Variants in NOTCH2NLR observed in about 807,000 individuals in gnomAD.
The protein encoded by NOTCH2NLR is notch 2 N-terminal like R (pseudogene).
In NOTCH2NLR, 33 loss-of-function variants were observed where a neutral mutation model predicts 35.6. That is an observed-to-expected ratio of 0.93 (90% CI 0.70 to 1.24). The LOEUF is 1.24. NOTCH2NLR is among the 50% of genes most tolerant of loss of function. NOTCH2NLR has a pLI of 0.00. For synonymous variants in NOTCH2NLR, 103 were observed against 141.0 expected (o/e 0.73, Z 1.91); for missense variants, 276 against 362.2 (o/e 0.76, Z 1.93).
chr1:120,790,573 T>TTTCTTTCTTTCC (rs1651478792), intron 3 of NOTCH2NLR, among the ~76,000 whole-genome samples: 1 of 106,620 alleles, frequency 9.4e-6, no homozygotes, highest in Non-Finnish European at 1.7e-5. Context: ...TCTTTCTTTC[T>TTTCTTTCTTTCC]TTCTTTCTTT....
At chr1:120,767,716 T>C (rs1651209411) in intron 2 of NOTCH2NLR, among the ~76,000 whole-genome samples, 1 of 115,346 alleles carries the variant, frequency 8.7e-6, no homozygotes, top group Non-Finnish European at 1.7e-5. Context: ...TTTGATGTCA[T>C]TAATCACTTT....
At chr1:120,768,205 T>G (rs2101420013) in intron 2 of NOTCH2NLR, among the ~76,000 whole-genome samples, 1 of 114,640 alleles carries the variant, frequency 8.7e-6, no homozygotes, top group Non-Finnish European at 1.7e-5. Context: ...GATAGGGCTC[T>G]TATTCCCAAG....
At position 120,727,331 on chromosome 1, in the gene NOTCH2NLR, C is replaced by T. The variant is rs1254569924; in HGVS notation, c.73+3081C>T. 1.8e-4 allele frequency among the ~76,000 whole-genome samples: 20 copies of T among 109,056 alleles called. 2 individuals carry two copies. In the South Asian group the frequency reaches 5.5e-3, roughly 30 times the overall value. The allele number at this position is 109,056 out of a possible 152,430, so 71.5% of individuals were successfully genotyped here. On this transcript the variant is annotated intron_variant, in intron 1 of 4. Coordinates refer to ENST00000624419, the Ensembl canonical transcript of NOTCH2NLR. ...CTTCAGGTGTGTGTATGAGGTCTTT[C>T]TAAATTTAAGAAATTTCCATAACAA... is the stretch of plus-strand genomic sequence containing the variant.
chr1:120,756,326 G>T (rs1160693151), intron 1 of NOTCH2NLR, among the ~76,000 whole-genome samples: 1 of 116,516 alleles, frequency 8.6e-6, no homozygotes, highest in Non-Finnish European at 1.6e-5. Flanking sequence ...CGTAAACTCA[G>T]ACTTCATCTC....
chr1:120,745,799 G>T (rs1650976592), intron 1 of NOTCH2NLR, among the ~76,000 whole-genome samples: 1 of 42,292 alleles, frequency 2.4e-5, no homozygotes, highest in African/African-American at 2.2e-4. Flanking sequence ...CTGGGCAATA[G>T]AGAGAGACTG....
chr1:120,723,971 C>G, exon 1 of NOTCH2NLR: 1 of 1,067,668 alleles, frequency 9.4e-7, no homozygotes, highest in Non-Finnish European at 1.2e-6. Flanking sequence ...GCGGCTGAGG[C>G]GGCGGCCGAG....
chr1:120,737,712 C>T (rs1339545408), intron 1 of NOTCH2NLR, among the ~76,000 whole-genome samples: 2 of 124,794 alleles, frequency 1.6e-5, no homozygotes, highest in Admixed American at 7.7e-5. Context: ...TGAGACAACT[C>T]GGCAGGTCTG....
rs1287803226 is a variant in NOTCH2NLR at position 120,743,804 on chromosome 1, A to C, written c.73+19554A>C. Reference sequence around the variant, plus strand: ...TAGTGTGAGCCCAGGGAATGTGCTTAGATAAAAGCACATTTAACAAATAGG... The same window carrying C: ...TAGTGTGAGCCCAGGGAATGTGCTTCGATAAAAGCACATTTAACAAATAGG... On this transcript the variant is annotated intron_variant, in intron 1 of 4. Coordinates refer to ENST00000624419, the Ensembl canonical transcript of NOTCH2NLR. 1.6e-5 allele frequency among the ~76,000 whole-genome samples: 2 copies of C among 127,516 alleles called. 1 individual carries two copies. The highest frequency in any genetic ancestry group is 1.6e-4 in the Admixed American group (2 of 12,354). 83.7% of individuals were successfully genotyped at this position (127,516 alleles called of 152,430 possible).
rs1247872267 is a variant in NOTCH2NLR at position 120,769,952 on chromosome 1, CAA to C, written c.155+6248_155+6249del. Among the ~76,000 whole-genome samples the C allele has an allele frequency of 1.8e-3, 189 of 107,908 alleles. 6 individuals are homozygous for C. The highest frequency in any genetic ancestry group is 7.4e-3 in the African/African-American group (180 of 24,268). The allele number at this position is 107,908 out of a possible 152,430, so 70.8% of individuals were successfully genotyped here. A position where few individuals can be genotyped will look rare whatever the true frequency, so the allele number is the denominator to read the frequency against. The stretch of plus-strand genomic sequence containing the variant: ...TCTCTTGTGAAATTTAAGAGAGTGC[CAA>C]AAAACTCACTAATCAAAATAATGTT... On this transcript the variant is annotated intron_variant, in intron 2 of 4. Coordinates refer to ENST00000624419, the Ensembl canonical transcript of NOTCH2NLR.
chr1:120,781,834 T>A (rs1266789897), intron 2 of NOTCH2NLR, among the ~76,000 whole-genome samples: 3,772 of 115,972 alleles, frequency 0.033, 608 homozygotes, highest in African/African-American at 0.12. Flanking sequence ...CTGAGATTAC[T>A]GGTGTGAGCC....
In NOTCH2NLR at chr1:120,790,247, C is replaced by A. The variant is rs1651469579; in HGVS notation, c.416-2914C>A. On this transcript the variant is annotated intron_variant, in intron 3 of 4. Transcript: ENST00000624419. ...GCCAGAATGGTCTGGATCGCCTGACCTCATGATCCACCCGCCTCGGCCTCC... is the reference window on the plus strand; with the variant it reads ...GCCAGAATGGTCTGGATCGCCTGACATCATGATCCACCCGCCTCGGCCTCC... 1.9e-5 allele frequency among the ~76,000 whole-genome samples: 2 copies of A among 107,200 alleles called. 1 individual carries two copies. Among genetic ancestry groups the A allele is most frequent in the Admixed American group, 1.8e-4 (2 of 11,120 alleles). 70.3% of individuals were successfully genotyped at this position (107,200 alleles called of 152,430 possible).
chr1:120,778,484 T>G (rs1651324395), intron 2 of NOTCH2NLR, among the ~76,000 whole-genome samples: 1 of 104,038 alleles, frequency 9.6e-6, no homozygotes, highest in Non-Finnish European at 1.8e-5. Context: ...TCTGTATAGT[T>G]TTTTTAAAAA....
rs1322711979 is a variant in NOTCH2NLR, at chr1:120,755,941, T to TG, written c.74-7687_74-7686insG. The stretch of plus-strand genomic sequence containing the variant: ...CGATTTATCTCTTATTGCTTTTTTT[T>TG]TTTTTTTTTTTTTTCCTTTCAATCA... On this transcript the variant is annotated intron_variant, in intron 1 of 4. Transcript: ENST00000624419. 2.8e-3 allele frequency among the ~76,000 whole-genome samples: 267 copies of TG among 94,684 alleles called. 71 individuals carry two copies. The highest frequency in any genetic ancestry group is 0.012 in the African/African-American group (171 of 14,006). The allele number at this position is 94,684 out of a possible 152,430, so 62.1% of individuals were successfully genotyped here. A position where few individuals can be genotyped will look rare whatever the true frequency, so the allele number is the denominator to read the frequency against.
chr1:120,733,149 G>C (rs1195565734), intron 1 of NOTCH2NLR, among the ~76,000 whole-genome samples: 1 of 104,808 alleles, frequency 9.5e-6, no homozygotes, highest in Non-Finnish European at 1.7e-5. Context: ...TTTATGAACA[G>C]ATCTACATAT....
At chr1:120,779,967 G>T (rs1444054933) in intron 2 of NOTCH2NLR, among the ~76,000 whole-genome samples, 1 of 130,992 alleles carries the variant, frequency 7.6e-6, no homozygotes, top group Non-Finnish European at 1.6e-5. Flanking sequence ...GCTTCCTGGG[G>T]TGTGAAGGAT....
At position 120,790,560 on chromosome 1, in the gene NOTCH2NLR, C is replaced by CTTTCTTTCTTTCTTTCTTTA. The variant is rs1651478058; in HGVS notation, c.416-2582_416-2581insATTTCTTTCTTTCTTTCTTT. 3.0e-5 allele frequency among the ~76,000 whole-genome samples: 3 copies of CTTTCTTTCTTTCTTTCTTTA among 100,834 alleles called. 1 individual carries two copies. Among genetic ancestry groups the CTTTCTTTCTTTCTTTCTTTA allele is most frequent in the Non-Finnish European group, 5.5e-5 (3 of 54,912 alleles). The allele number at this position is 100,834 out of a possible 152,430, so 66.2% of individuals were successfully genotyped here. A position where few individuals can be genotyped will look rare whatever the true frequency, so the allele number is the denominator to read the frequency against. ...CCTTTCTTTCTTTCTTTCTTTCTTTCTTTCTTTCTTTCTTTCTTTCTTTCT... is the reference window on the plus strand; with the variant it reads ...CCTTTCTTTCTTTCTTTCTTTCTTTCTTTCTTTCTTTCTTTCTTTATTTCTTTCTTTCTTTCTTTCTTTCT... On this transcript the variant is annotated intron_variant, in intron 3 of 4. Coordinates refer to ENST00000624419, the Ensembl canonical transcript of NOTCH2NLR.
At position 120,764,072 on chromosome 1, in the gene NOTCH2NLR, C is replaced by T. The variant is rs1476981314; in HGVS notation, c.155+363C>T. On this transcript the variant is annotated intron_variant, in intron 2 of 4. Transcript: ENST00000624419. Reference sequence around the variant, plus strand: ...GATCAGCCTGGCCAACATAGTGAAACCCTATCTCTACTAAAAATACAAAAA... The same window carrying T: ...GATCAGCCTGGCCAACATAGTGAAATCCTATCTCTACTAAAAATACAAAAA... Among the ~76,000 whole-genome samples the T allele has an allele frequency of 5.4e-4, 60 of 110,240 alleles. 9 individuals carry two copies. The East Asian group carries it at 0.012, about 22-fold the overall frequency. 72.3% of individuals were successfully genotyped at this position (110,240 alleles called of 152,430 possible). A position where few individuals can be genotyped will look rare whatever the true frequency, so the allele number is the denominator to read the frequency against.
intron 2 of NOTCH2NLR, among the ~76,000 whole-genome samples, chr1:120,765,815 T>A (rs1166748732): frequency 7.9e-6 from 1 of 126,728 alleles, no homozygotes; most frequent in East Asian, 2.0e-4. Flanking sequence ...AAAGAATGAG[T>A]TCATGTCCTT....
intron 2 of NOTCH2NLR, among the ~76,000 whole-genome samples, chr1:120,778,093 C>T (rs1209348552): frequency 1.2e-5 from 1 of 84,580 alleles, no homozygotes; most frequent in African/African-American, 9.5e-5. Flanking sequence ...ACAGGGGGGA[C>T]AGAGTAGGGG....
Sources: gnomAD v4.1 joint callset for allele counts (sites outside exome capture counted in the v4.1 genomes callset) on GRCh38, gnomAD v4.1.1 for gene constraint, MANE v1.5 for transcripts, NCBI Gene and HGNC (gene_info 2026-07-23, HGNC 2026-07-21) for gene names.